Variants in TENM2 observed in about 807,000 individuals in gnomAD.
TENM2 encodes the protein teneurin-2.
A neutral mutation model predicts 245.2 loss-of-function variants in TENM2; 52 were observed. The ratio of observed to expected loss-of-function variants is 0.21; its 90% CI spans 0.17 to 0.27. TENM2 has a LOEUF of 0.27. Ranked by LOEUF, TENM2 falls within the 10% of genes least tolerant of loss-of-function variation. TENM2 has a pLI of 1.00. For synonymous variants in TENM2, 1,363 were observed against 1,438.9 expected (o/e 0.95, Z 1.19); for missense variants, 3,046 against 3,666.8 (o/e 0.83, Z 4.37).
chr5:167,350,114 G>T (rs1039614589), intron 1 of TENM2, among the ~76,000 whole-genome samples: 2 of 152,106 alleles, frequency 1.3e-5, no homozygotes, highest in African/African-American at 2.4e-5. Flanking sequence ...AGGGCAGTGA[G>T]AACTTTTTTG....
chr5:168,195,576 G>A (rs777355361), intron 15 of TENM2, among the ~76,000 whole-genome samples: 73 of 127,108 alleles, frequency 5.7e-4, no homozygotes, highest in Admixed American at 8.7e-4. Context: ...GTGTGTGTGT[G>A]TGTGTGTGTG....
intron 2 of TENM2, among the ~76,000 whole-genome samples, chr5:167,463,291 A>G (rs142009349): frequency 1.9e-3 from 294 of 152,264 alleles, no homozygotes; most frequent in Admixed American, 2.9e-3. Context: ...TAAAGATGGC[A>G]AATGGCAGAA....
intron 12 of TENM2, among the ~76,000 whole-genome samples, 191 bp downstream of exon 14, chr5:168,127,157 G>A (rs959773288): frequency 6.6e-6 from 1 of 152,166 alleles, no homozygotes; most frequent in Admixed American, 6.5e-5. Flanking sequence ...AGGATTCCGA[G>A]TTGAAAGGAA....
chr5:167,109,980 A>G, the TENM2 span, among the ~76,000 whole-genome samples: 1 of 152,204 alleles, frequency 6.6e-6, no homozygotes, highest in African/African-American at 2.4e-5. Flanking sequence ...TTGAGTTTTC[A>G]GAGTGGCTTA....
intron 2 of TENM2, among the ~76,000 whole-genome samples, chr5:167,636,839 A>G (rs1449400017): frequency 6.6e-6 from 1 of 152,156 alleles, no homozygotes; most frequent in Non-Finnish European, 1.5e-5. Flanking sequence ...TAAAATAACC[A>G]CAACTTCTAG....
chr5:167,034,249 A>G, the TENM2 span, among the ~76,000 whole-genome samples: 3 of 152,220 alleles, frequency 2.0e-5, no homozygotes, highest in African/African-American at 7.2e-5. Context: ...TGATAAACTA[A>G]TTCATTGTCC....
At chr5:167,387,555 T>C (rs2127353424) in intron 2 of TENM2, among the ~76,000 whole-genome samples, 1 of 152,244 alleles carries the variant, frequency 6.6e-6, no homozygotes, top group South Asian at 2.1e-4. Flanking sequence ...CAGTACTATG[T>C]TGAAGAGGAG....
Position 167,544,678 on chromosome 5 carries a change from G to C in TENM2, c.502+169205G>C, listed in dbSNP as rs558161297. 3.8e-4 allele frequency among the ~76,000 whole-genome samples: 58 copies of C among 152,020 alleles called. No homozygotes were observed. The South Asian group carries it at 0.012, about 31-fold the overall frequency. On this transcript the variant is annotated intron_variant, in intron 2 of 28. Transcript: ENST00000518659. ...ATTTATTCATCCATTCATCATTCAC[G>C]CTTTCATTCAACAAATGTGTACTGG...
chr5:167,897,879 C>T (rs939378551), intron 3 of TENM2, among the ~76,000 whole-genome samples: 1 of 147,788 alleles, frequency 6.8e-6, no homozygotes, highest in Non-Finnish European at 1.5e-5. Flanking sequence ...TTGGGTAATC[C>T]GTAGTAAATT....
chr5:166,987,201 C>T, the TENM2 span, among the ~76,000 whole-genome samples: 3 of 152,094 alleles, frequency 2.0e-5, no homozygotes, highest in Non-Finnish European at 2.9e-5. Context: ...GTTACGGCTA[C>T]CCTGAAGGTT....
At chr5:167,157,320 T>G in the TENM2 span, among the ~76,000 whole-genome samples, 1 of 152,206 alleles carries the variant, frequency 6.6e-6, no homozygotes, top group African/African-American at 2.4e-5. Context: ...CTTTGATAAG[T>G]GTTTATTGAT....
intron 12 of TENM2, among the ~76,000 whole-genome samples, chr5:168,160,692 CT>C (rs1409443998): frequency 6.6e-6 from 1 of 152,164 alleles, no homozygotes; most frequent in East Asian, 1.9e-4. Flanking sequence ...ATTGTATACC[CT>C]TGAGACCTTG....
chr5:167,389,251 T>A (rs562378869), intron 2 of TENM2, among the ~76,000 whole-genome samples: 547 of 52,382 alleles, frequency 0.01, 3 homozygotes, highest in Admixed American at 0.013. Context: ...GCATTTAAAA[T>A]ATATATATAT....
exon 29 of TENM2, chr5:168,262,558 G>A: frequency 1.3e-6 from 2 of 1,560,442 alleles, no homozygotes; most frequent in African/African-American, 1.4e-5. Context: ...TGGACGAAGA[G>A]AAGGCCCGCG....
chr5:167,502,198 A>C (rs1029476632), intron 2 of TENM2, among the ~76,000 whole-genome samples: 1 of 152,218 alleles, frequency 6.6e-6, no homozygotes, highest in African/African-American at 2.4e-5. Context: ...CACTGTGGCC[A>C]TATTAAGGAT....
At chr5:168,073,547 G>C (rs564956147) in intron 7 of TENM2, among the ~76,000 whole-genome samples, 11 of 152,352 alleles carry the variant, frequency 7.2e-5, no homozygotes, top group African/African-American at 2.6e-4. Flanking sequence ...GACAGAGCAA[G>C]AGTGACCTAG....
At chr5:167,806,234 CAAT>C (rs1583056383) in intron 2 of TENM2, among the ~76,000 whole-genome samples, 4 of 152,068 alleles carry the variant, frequency 2.6e-5, no homozygotes, top group South Asian at 4.2e-4. Context: ...TAAATGACAA[CAAT>C]AATAATTAAT....
At chr5:167,232,997 G>A in the TENM2 span, among the ~76,000 whole-genome samples, 1 of 150,516 alleles carries the variant, frequency 6.6e-6, no homozygotes, top group Non-Finnish European at 1.5e-5. Flanking sequence ...CAGTCAAGGA[G>A]AGTCAACTAC....
chr5:167,584,434 C>A (rs997671027), intron 2 of TENM2, among the ~76,000 whole-genome samples: 3 of 152,066 alleles, frequency 2.0e-5, no homozygotes, highest in African/African-American at 4.8e-5. Flanking sequence ...ACACTCTCTG[C>A]AAATGAAGAC....
Sources: gnomAD v4.1 joint callset for allele counts (sites outside exome capture counted in the v4.1 genomes callset) on GRCh38, gnomAD v4.1.1 for gene constraint, MANE v1.5 for transcripts, NCBI Gene and HGNC (gene_info 2026-07-23, HGNC 2026-07-21) for gene names.